PCDH15: variants seen among roughly 807,000 people sequenced by gnomAD.
The protein encoded by PCDH15 is protocadherin-15.
In PCDH15, 129 loss-of-function variants were observed where a neutral mutation model predicts 178.5. That is an observed-to-expected ratio of 0.72 (90% CI 0.63 to 0.84). The LOEUF (loss-of-function observed/expected upper bound fraction) is 0.84, where lower values mean the gene tolerates loss of function less well. Ranked by LOEUF, PCDH15 falls within the 40% of genes least tolerant of loss-of-function variation. PCDH15 has a pLI of 0.00. For synonymous variants in PCDH15, 800 were observed against 732.0 expected (o/e 1.09, Z -1.50); for missense variants, 2,230 against 2,099.9 (o/e 1.06, Z -1.21).
At chr10:54,953,202 A>C (rs1290255274) in intron 2 of PCDH15, among the ~76,000 whole-genome samples, 1 of 151,320 alleles carries the variant, frequency 6.6e-6, no homozygotes, top group East Asian at 1.9e-4. Flanking sequence ...CTCTTTGTTC[A>C]TAATTTGCTA....
At chr10:55,256,809 C>A (rs1207002096) in intron 1 of PCDH15, among the ~76,000 whole-genome samples, 1 of 152,194 alleles carries the variant, frequency 6.6e-6, no homozygotes, top group Non-Finnish European at 1.5e-5. Context: ...CAGGGCATAG[C>A]CAAACAAAAG....
intron 2 of PCDH15, among the ~76,000 whole-genome samples, chr10:55,564,360 T>C (rs1393511938): frequency 1.3e-5 from 2 of 151,556 alleles, no homozygotes; most frequent in Non-Finnish European, 3.0e-5. Flanking sequence ...TTAATACTCA[T>C]GGTACCCACA....
chr10:53,833,879 A>C (rs1579125), intron 29 of PCDH15, among the ~76,000 whole-genome samples: 1,551 of 152,132 alleles, frequency 0.01, 29 homozygotes, highest in African/African-American at 0.036. Context: ...TGTCAATTTA[A>C]TTTTCACATG....
intron 8 of PCDH15, among the ~76,000 whole-genome samples, chr10:54,299,303 G>A (rs1036094146): frequency 6.6e-6 from 1 of 151,862 alleles, no homozygotes; most frequent in Non-Finnish European, 1.5e-5. Flanking sequence ...GAGAGGAAGA[G>A]ACAAAGAGGG....
intron 8 of PCDH15, among the ~76,000 whole-genome samples, chr10:54,301,687 T>C (rs546416236): frequency 6.6e-6 from 1 of 152,070 alleles, no homozygotes; most frequent in Non-Finnish European, 1.5e-5. Flanking sequence ...GGTGATGAAT[T>C]TGTGTGAAAT....
At chr10:55,392,979 ATGTGTGTGTGTGTGTG>A (rs10546546) in intron 2 of PCDH15, among the ~76,000 whole-genome samples, 20 of 144,160 alleles carry the variant, frequency 1.4e-4, no homozygotes, top group Non-Finnish European at 2.4e-4. Context: ...ACTAAAGTGT[ATGTGTGTGTGTGTGTG>A]TGTGTGTGTG....
At chr10:54,227,036 T>C (rs909051485) in intron 9 of PCDH15, among the ~76,000 whole-genome samples, 1 of 152,150 alleles carries the variant, frequency 6.6e-6, no homozygotes, top group Non-Finnish European at 1.5e-5. Flanking sequence ...CGGGTGTCTG[T>C]AGTTTTTCCA....
At chr10:53,878,225 T>C (rs1399270706) in intron 26 of PCDH15, among the ~76,000 whole-genome samples, 41 of 22,596 alleles carry the variant, frequency 1.8e-3, no homozygotes, top group African/African-American at 2.6e-3. Flanking sequence ...AATATATATA[T>C]ATATATATAT....
chr10:55,626,373 G>C (rs1837529981), intron 2 of PCDH15, among the ~76,000 whole-genome samples: 1 of 152,012 alleles, frequency 6.6e-6, no homozygotes, highest in South Asian at 2.1e-4. Flanking sequence ...TGAAAAAGTG[G>C]ATAAAACCGT....
Position 55,091,357 on chromosome 10 carries a change from TC to T in PCDH15, c.-80+75218del, listed in dbSNP as rs1419079945. 2.0e-5 allele frequency among the ~76,000 whole-genome samples: 3 copies of T among 151,970 alleles called. No homozygotes were observed. In the Admixed American group the frequency reaches 2.0e-4, roughly 10 times the overall value. On this transcript the variant is annotated intron_variant, in intron 2 of 5. Transcript: ENST00000458638. ...AAGCGAACTATGGCAAGTTTTGCAT[TC>T]TATAGAGTTTGCTAATAACATTTTA...
chr10:54,474,662 AT>A (rs1276891489), intron 3 of PCDH15, among the ~76,000 whole-genome samples: 3 of 152,088 alleles, frequency 2.0e-5, no homozygotes, highest in South Asian at 2.1e-4. Context: ...ATCCATAGGA[AT>A]TTTTTATATG....
chr10:54,521,355 A>G (rs1387448848), intron 3 of PCDH15, among the ~76,000 whole-genome samples: 1 of 152,162 alleles, frequency 6.6e-6, no homozygotes, highest in Admixed American at 6.5e-5. Context: ...GAGAATACTG[A>G]TGGGATGCTA....
At chr10:55,046,130 T>G (rs114842399) in intron 2 of PCDH15, among the ~76,000 whole-genome samples, 104 of 152,150 alleles carry the variant, frequency 6.8e-4, no homozygotes, top group African/African-American at 2.3e-3. Context: ...CTGCCTCAAA[T>G]TAAGCAAAAC....
At chr10:55,452,189 C>T (rs868233874) in intron 2 of PCDH15, among the ~76,000 whole-genome samples, 2 of 151,868 alleles carry the variant, frequency 1.3e-5, no homozygotes, top group South Asian at 2.1e-4. Flanking sequence ...GATTACATAC[C>T]TATTTTAAGT....
intron 21 of PCDH15, among the ~76,000 whole-genome samples, chr10:53,984,148 C>CTTTTTTTTTTTTTTTTTTTTTCTTTTT (rs66540462): frequency 1.6e-5 from 1 of 63,558 alleles, no homozygotes; most frequent in Non-Finnish European, 3.2e-5. Context: ...TTTTTCTTTT[C>CTTTTTTTTTTTTTTTTTTTTTCTTTTT]TTTTTTTTTT....
At chr10:53,965,798 C>T (rs1466382254) in intron 21 of PCDH15, among the ~76,000 whole-genome samples, 1 of 152,092 alleles carries the variant, frequency 6.6e-6, no homozygotes, top group Non-Finnish European at 1.5e-5. Context: ...TTACTTATGA[C>T]AATCAGATTG....
rs1338670074 is a variant in PCDH15, at chr10:53,807,103, C to T, written c.4699G>A (p.Val1567Ile). The T allele has an allele frequency of 2.5e-6, 4 of 1,603,352 alleles. No homozygotes were observed. Among genetic ancestry groups the T allele is most frequent in the Admixed American group, 1.7e-5 (1 of 58,124 alleles). ...EWARKRMIKL[V>I]VDREYETSST... is the part of the protein sequence containing the mutation. ...CTGGTTTCATACTCTCGATCAACAACTAACTTGATCATTCTTTTTCTTGCC... is the reference window on the plus strand; with the variant it reads ...CTGGTTTCATACTCTCGATCAACAATTAACTTGATCATTCTTTTTCTTGCC... Residue 1567 changes from valine (V) to isoleucine (I), a missense_variant, in exon 38 of 38, where the codon GTT becomes ATT. Physicochemically the swap from Val to Ile is conservative, Grantham distance 29. Coordinates refer to ENST00000644397, the MANE Select transcript of PCDH15 (RefSeq NM_001384140.1).
chr10:55,536,971 T>C (rs1172627595), intron 2 of PCDH15, among the ~76,000 whole-genome samples: 1 of 152,160 alleles, frequency 6.6e-6, no homozygotes, highest in Non-Finnish European at 1.5e-5. Flanking sequence ...TTTTATTTTT[T>C]ATAAATTTAG....
At chr10:53,828,513 T>G (rs1371529661) in intron 31 of PCDH15, 52 bp downstream of exon 31, 6 of 1,441,258 alleles carry the variant, frequency 4.2e-6, no homozygotes, top group Non-Finnish European at 5.9e-6. Context: ...AATCTCGGGT[T>G]TCTCTTTTCC....
Sources: allele counts gnomAD v4.1 joint callset (sites outside exome capture counted in the v4.1 genomes callset), GRCh38; gene constraint gnomAD v4.1.1; transcripts MANE v1.5; gene names NCBI Gene and HGNC (gene_info 2026-07-23, HGNC 2026-07-21).